VAC14: variants seen among roughly 807,000 people sequenced by gnomAD.
VAC14 encodes the protein VAC14 component of PIKFYVE complex.
A neutral mutation model predicts 85.3 loss-of-function variants in VAC14; 47 were observed. The ratio of observed to expected loss-of-function variants is 0.55; its 90% CI spans 0.44 to 0.70. The LOEUF (loss-of-function observed/expected upper bound fraction) is 0.70. Among genes scored for constraint, VAC14 ranks in the 30% least tolerant of loss-of-function variants. The pLI is 0.00. For synonymous variants in VAC14, 447 were observed against 430.5 expected (o/e 1.04, Z -0.47); for missense variants, 861 against 1,004.3 (o/e 0.86, Z 1.93).
chr16:70,732,357 G>A (rs1450023750), intron 13 of VAC14, among the ~76,000 whole-genome samples: 3 of 152,300 alleles, frequency 2.0e-5, no homozygotes, highest in Admixed American at 2.0e-4. Flanking sequence ...CTAACCAGGA[G>A]CACAAATGTC....
rs751558682 is a variant in VAC14 at position 70,800,747 on chromosome 16, C to A, written c.104+50G>T. 7.9e-6 allele frequency: 12 copies of A among 1,510,882 alleles called. No homozygotes were observed. In the East Asian group the frequency reaches 1.9e-4, roughly 23 times the overall value. 93.6% of individuals were successfully genotyped at this position (1,510,882 alleles called of 1,614,324 possible). ...AGGCGTGAGAAGTCCCCCTGGGGAG[C>A]AGAGCAGTCAGGGGCTGCATAGCCA... On this transcript the variant is annotated intron_variant, in intron 1 of 18. Coordinates refer to ENST00000261776, the MANE Select transcript of VAC14 (RefSeq NM_018052.5).
At position 70,800,953 on chromosome 16, in the gene VAC14, CG is replaced by C; in HGVS notation, c.-54del. The C allele has an allele frequency of 7.1e-7, 1 of 1,409,278 alleles. No homozygotes were observed. The highest frequency in any genetic ancestry group is 9.6e-7 in the Non-Finnish European group (1 of 1,046,114). The allele number at this position is 1,409,278 out of a possible 1,614,324, so 87.3% of individuals were successfully genotyped here. The stretch of plus-strand genomic sequence containing the variant: ...CCTTAGCCCGCGGCTGCCGGGGCCG[CG>C]CCGGGGCCAGGGGAGTCTGCGGCTC... On this transcript the variant is annotated 5_prime_UTR_variant, in exon 1 of 19. An upstream open reading frame in the 5' UTR loses its in-frame stop. Coordinates refer to ENST00000261776, the MANE Select transcript of VAC14 (RefSeq NM_018052.5).
intron 14 of VAC14, among the ~76,000 whole-genome samples, chr16:70,708,511 C>T (rs991670751): frequency 1.3e-5 from 2 of 152,198 alleles, no homozygotes; most frequent in Non-Finnish European, 2.9e-5. Flanking sequence ...GGAAGCATTT[C>T]GCATTCTGCA....
intron 17 of VAC14, 46 bp downstream of exon 17, chr16:70,695,498 C>A: frequency 6.3e-7 from 1 of 1,593,548 alleles, no homozygotes; most frequent in East Asian, 2.2e-5. Flanking sequence ...CACTCCAGGG[C>A]AGCCTTGGAC....
At chr16:70,700,946 T>C (rs944326825) in intron 14 of VAC14, among the ~76,000 whole-genome samples, 73 of 152,062 alleles carry the variant, frequency 4.8e-4, no homozygotes, top group African/African-American at 1.7e-3. Flanking sequence ...GTGGTGCCCA[T>C]GTGAGGGCAG....
At chr16:70,786,538 A>G (rs1333073853) in intron 1 of VAC14, 173 bp from the exon 2 acceptor site, 3 of 761,808 alleles carry the variant, frequency 3.9e-6, no homozygotes, top group Admixed American at 5.9e-5. Context: ...TTGTTTCCCT[A>G]TTCTGGGTCT....
At chr16:70,722,680 C>A (rs2054324261) in intron 14 of VAC14, among the ~76,000 whole-genome samples, 1 of 152,114 alleles carries the variant, frequency 6.6e-6, no homozygotes, top group Admixed American at 6.5e-5. Flanking sequence ...ACAAAGGGCA[C>A]CCACATTTGT....
At chr16:70,705,412 G>A (rs1383323697) in intron 14 of VAC14, among the ~76,000 whole-genome samples, 1 of 152,270 alleles carries the variant, frequency 6.6e-6, no homozygotes, top group Non-Finnish European at 1.5e-5. Context: ...CTCTGCGCAG[G>A]TGGGCCAACC....
chr16:70,704,553 G>A (rs1433369219), intron 14 of VAC14, among the ~76,000 whole-genome samples: 3 of 152,220 alleles, frequency 2.0e-5, no homozygotes, highest in African/African-American at 7.2e-5. Flanking sequence ...GCTGTCTGAG[G>A]GTGCAGCTGG....
intron 18 of VAC14, 83 bp from the exon 19 acceptor site, chr16:70,688,173 A>C: frequency 7.2e-7 from 1 of 1,385,176 alleles, no homozygotes. Context: ...GGTCAGAGGC[A>C]GAGCCACAGG....
intron 13 of VAC14, among the ~76,000 whole-genome samples, chr16:70,735,709 C>T (rs1483720216): frequency 1.3e-5 from 2 of 152,262 alleles, no homozygotes; most frequent in Admixed American, 6.5e-5. Context: ...CTCGCGTGAG[C>T]GGCATGAAGG....
At chr16:70,736,328 G>C (rs1214236130) in intron 13 of VAC14, among the ~76,000 whole-genome samples, 1 of 152,246 alleles carries the variant, frequency 6.6e-6, no homozygotes, top group Non-Finnish European at 1.5e-5. Flanking sequence ...CCATAGCGCA[G>C]AGCACTGCGC....
At chr16:70,738,179 C>G (rs2054822652) in intron 13 of VAC14, among the ~76,000 whole-genome samples, 1 of 152,102 alleles carries the variant, frequency 6.6e-6, no homozygotes, top group African/African-American at 2.4e-5. Context: ...GGGCAGTTTC[C>G]CCCAAGAATC....
At chr16:70,758,764 C>T (rs1045903298) in intron 12 of VAC14, among the ~76,000 whole-genome samples, 5 of 152,214 alleles carry the variant, frequency 3.3e-5, no homozygotes, top group Non-Finnish European at 5.9e-5. Context: ...GCATTCTGCA[C>T]TGTGGAAATC....
At position 70,780,964 on chromosome 16, in the gene VAC14, T is replaced by A. The variant is rs1191582628; in HGVS notation, c.947-25A>T. 5 of 1,613,346 alleles carry A rather than the reference T, an allele frequency of 3.1e-6. No homozygotes were observed. In the East Asian group the frequency reaches 8.9e-5, roughly 29 times the overall value. On this transcript the variant is annotated intron_variant, in intron 8 of 18. Transcript: ENST00000261776. The stretch of plus-strand genomic sequence containing the variant: ...CCTGAGTCCACTGATGTAAGGAGCG[T>A]GATCTGATTTGGATGCCTGTCTCTC...
chr16:70,768,832 G>GAGA (rs2033004040), intron 10 of VAC14: 7 of 453,384 alleles, frequency 1.5e-5, no homozygotes, highest in Non-Finnish European at 3.1e-5. Flanking sequence ...ACAGAGTCTC[G>GAGA]CTCTGTCACC....
chr16:70,761,284 C>T, intron 12 of VAC14: 1 of 357,082 alleles, frequency 2.8e-6, no homozygotes, highest in South Asian at 2.2e-5. Flanking sequence ...CTCCCATCCC[C>T]CCCACCCAGC....
rs1187486997 is a variant in VAC14 at position 70,740,420 on chromosome 16, C to T, written c.1528+4003G>A. Among the ~76,000 whole-genome samples, 3 of 152,242 alleles carry T rather than the reference C, an allele frequency of 2.0e-5. No individual in the cohort carries two copies. In the East Asian group the frequency reaches 5.8e-4, roughly 29 times the overall value. The stretch of plus-strand genomic sequence containing the variant: ...ATCCTAAAGGCTGATTGGGTCTCCC[C>T]AGGCCTGGCTGCACCCTCTCTGGCA... On this transcript the variant is annotated intron_variant, in intron 13 of 18. Coordinates refer to ENST00000261776, the MANE Select transcript of VAC14 (RefSeq NM_018052.5).
chr16:70,755,003 C>T (rs1333321941), intron 12 of VAC14: 3 of 163,180 alleles, frequency 1.8e-5, no homozygotes, highest in African/African-American at 7.2e-5. Context: ...TCAGACCATC[C>T]AGTCCAACCC....
Sources: gnomAD v4.1 joint callset for allele counts (sites outside exome capture counted in the v4.1 genomes callset) on GRCh38, gnomAD v4.1.1 for gene constraint, MANE v1.5 for transcripts, NCBI Gene and HGNC (gene_info 2026-07-23, HGNC 2026-07-21) for gene names.